PXDN: variants seen among roughly 807,000 people sequenced by gnomAD.
PXDN encodes peroxidasin.
A neutral mutation model predicts 140.3 loss-of-function variants in PXDN; 77 were observed. The ratio of observed to expected loss-of-function variants is 0.55; its 90% CI spans 0.46 to 0.66. The LOEUF is 0.66. Ranked by LOEUF, PXDN falls within the 30% of genes least tolerant of loss-of-function variation. The pLI is 0.00. For missense variants in PXDN, 1,838 were observed against 2,039.5 expected (o/e 0.90, Z 1.90); for synonymous variants, 911 against 857.4 (o/e 1.06, Z -1.09).
intron 14 of PXDN, among the ~76,000 whole-genome samples, chr2:1,656,101 A>G (rs866417370): frequency 4.6e-5 from 7 of 151,658 alleles, no homozygotes; most frequent in Admixed American, 1.3e-4. Flanking sequence ...CACACAACAC[A>G]CACAAACACA....
In PXDN at chr2:1,648,024, A is replaced by T; in HGVS notation, c.3608+148T>A. 8.4e-7 allele frequency: 1 copy of T among 1,190,046 alleles called. No homozygotes were observed. Among genetic ancestry groups the T allele is most frequent in the African/African-American group, 1.5e-5 (1 of 65,354 alleles). The allele number at this position is 1,190,046 out of a possible 1,614,324, so 73.7% of individuals were successfully genotyped here. On this transcript the variant is annotated intron_variant, in intron 17 of 22. Coordinates refer to ENST00000252804, the MANE Select transcript of PXDN (RefSeq NM_012293.3). This position sits in a 1 kb window ranked among gnomAD's most constrained non-coding sequence, Gnocchi z 8.9. ...CAGCCACGGGAGGCTGCAGGTTCCCATCTTGACCTTCATGGACTTGACCTT... is the reference window on the plus strand; with the variant it reads ...CAGCCACGGGAGGCTGCAGGTTCCCTTCTTGACCTTCATGGACTTGACCTT...
chr2:1,731,293 ATG>A (rs1338973918), intron 1 of PXDN, among the ~76,000 whole-genome samples: 14,087 of 63,392 alleles, frequency 0.22, 1,308 homozygotes, highest in African/African-American at 0.36. Context: ...CTTCCTGGAC[ATG>A]CAGCTGACCT....
At chr2:1,658,068 CTCTCT>C (rs1683201894) in intron 14 of PXDN, among the ~76,000 whole-genome samples, 1 of 122,358 alleles carries the variant, frequency 8.2e-6, no homozygotes, top group Non-Finnish European at 1.7e-5. Flanking sequence ...CTCTCTCTCT[CTCTCT>C]CTCTCTCTCT....
In PXDN at chr2:1,653,711, C is replaced by A; in HGVS notation, c.2021G>T (p.Arg674Leu). ...PRDPYTVEQA[R>L]AGEIFERTLQ... ...TGTCCGTTCAAAGATTTCTCCCGCC[C>A]GTGCCTGTTCAACTGTGTAAGGATC... The change falls in exon 16 of 23, where the codon CGG becomes CTG. Residue 674 changes from arginine to leucine, a missense_variant. Arg to Leu is a moderately radical substitution (Grantham distance 102). Around this residue, in one of 5 missense-constraint regions of PXDN, gnomAD observed 537 missense variants for 583.9 expected, o/e 0.92. Coordinates refer to ENST00000252804, the MANE Select transcript of PXDN (RefSeq NM_012293.3). 1.2e-6 allele frequency: 2 copies of A among 1,605,400 alleles called. No individual in the cohort carries two copies. Among genetic ancestry groups the A allele is most frequent in the African/African-American group, 1.3e-5 (1 of 74,912 alleles).
At chr2:1,663,574 T>C in intron 12 of PXDN, 31 bp downstream of exon 12, 1 of 1,608,390 alleles carries the variant, frequency 6.2e-7, no homozygotes, top group Non-Finnish European at 8.5e-7. Context: ...TCTGAGAAAA[T>C]CAATTCAGTC....
At chr2:1,638,700 G>C in intron 21 of PXDN, 146 bp downstream of exon 21, 1 of 1,287,324 alleles carries the variant, frequency 7.8e-7, no homozygotes, top group Non-Finnish European at 1.1e-6. Flanking sequence ...GTGCAGAAAT[G>C]ACACCCCCAA....
At chr2:1,676,696 C>A (rs1683725251) in intron 8 of PXDN, 1 of 572,324 alleles carries the variant, frequency 1.7e-6, no homozygotes, top group Non-Finnish European at 3.1e-6. Flanking sequence ...CAGGGCACCC[C>A]TGTGCTGCCC....
intron 1 of PXDN, among the ~76,000 whole-genome samples, chr2:1,734,040 T>C (rs1031661747): frequency 3.3e-5 from 5 of 152,118 alleles, no homozygotes; most frequent in African/African-American, 1.2e-4. Flanking sequence ...TTAAATGAAA[T>C]AACAGAAGTA....
chr2:1,699,614 G>A (rs1271041811), intron 1 of PXDN, among the ~76,000 whole-genome samples: 1 of 152,138 alleles, frequency 6.6e-6, no homozygotes, highest in Non-Finnish European at 1.5e-5. Flanking sequence ...GGAGGTTGAG[G>A]CAGGAGAATC....
rs115162463 is a variant in PXDN, at chr2:1,699,060, C to T, written c.201-5926G>A. Among the ~76,000 whole-genome samples the T allele has an allele frequency of 7.0e-3, 1,070 of 152,090 alleles. 14 individuals are homozygous for T. Among genetic ancestry groups the T allele is most frequent in the African/African-American group, 0.025 (1,018 of 41,506 alleles). On this transcript the variant is annotated intron_variant, in intron 1 of 22. Coordinates refer to ENST00000252804, the MANE Select transcript of PXDN (RefSeq NM_012293.3). ...ATGTCAAGAATTGTAGTGTTTGGAA[C>T]GAAACATCAAAGTACAGGTTTACAC...
At position 1,648,133 on chromosome 2, in the gene PXDN, T is replaced by C. The variant is rs749302034; in HGVS notation, c.3608+39A>G. The C allele has an allele frequency of 9.5e-6, 15 of 1,586,712 alleles. No individual in the cohort carries two copies. Among genetic ancestry groups the C allele is most frequent in the African/African-American group, 2.7e-5 (2 of 74,254 alleles). On this transcript the variant is annotated intron_variant, in intron 17 of 22. Coordinates refer to ENST00000252804, the MANE Select transcript of PXDN (RefSeq NM_012293.3). This position sits in a 1 kb window ranked among gnomAD's most constrained non-coding sequence, Gnocchi z 8.9. ...CCACAGTTCAGGTGTTCCAGGTGCC[T>C]AGGTACACGAGCCATCCCACACAGC...
intron 1 of PXDN, among the ~76,000 whole-genome samples, chr2:1,708,588 G>A (rs1259781430): frequency 6.6e-6 from 1 of 152,198 alleles, no homozygotes; most frequent in Non-Finnish European, 1.5e-5. Context: ...AGGAAGGGGA[G>A]AGGGGTCCCT....
At chr2:1,710,631 G>GCACCCACTCTATGAA (rs1454914058) in intron 1 of PXDN, among the ~76,000 whole-genome samples, 7 of 97,026 alleles carry the variant, frequency 7.2e-5, no homozygotes, top group African/African-American at 1.9e-4. Context: ...CTCTCCACCA[G>GCACCCACTCTATGAA]CACCCACTCT....
At chr2:1,655,754 C>G (rs1683119154) in intron 14 of PXDN, among the ~76,000 whole-genome samples, 1 of 144,672 alleles carries the variant, frequency 6.9e-6, no homozygotes, top group Non-Finnish European at 1.5e-5. Context: ...GGGACCTACC[C>G]CCTCCTGACA....
chr2:1,705,558 G>A (rs1299898903), intron 1 of PXDN, among the ~76,000 whole-genome samples: 2 of 140,976 alleles, frequency 1.4e-5, no homozygotes, highest in Admixed American at 7.1e-5. Context: ...GGGACGCAGA[G>A]TGCAGGATGC....
chr2:1,638,352 G>A (rs1294646823), intron 21 of PXDN, among the ~76,000 whole-genome samples: 11 of 152,072 alleles, frequency 7.2e-5, no homozygotes, highest in Admixed American at 7.2e-4. Context: ...TCCACAGAGC[G>A]CCAGAGAAGA....
intron 19 of PXDN, 57 bp downstream of exon 19, chr2:1,643,311 A>T: frequency 6.4e-7 from 1 of 1,551,360 alleles, no homozygotes; most frequent in East Asian, 2.3e-5. Flanking sequence ...GCACCCGCCA[A>T]GCAGTCACCA....
chr2:1,657,145 G>T (rs188437677), intron 14 of PXDN, among the ~76,000 whole-genome samples: 7 of 142,670 alleles, frequency 4.9e-5, no homozygotes, highest in African/African-American at 7.9e-5. Context: ...CCTCCTGACT[G>T]GGGGGGGACC....
chr2:1,669,477 A>T (rs2125430863), intron 9 of PXDN, among the ~76,000 whole-genome samples: 1 of 152,334 alleles, frequency 6.6e-6, no homozygotes, highest in African/African-American at 2.4e-5. Flanking sequence ...ATTTAAAAAT[A>T]TATATATTCT....
Sources: gnomAD v4.1 joint callset for allele counts (sites outside exome capture counted in the v4.1 genomes callset) on GRCh38, gnomAD v4.1.1 for gene constraint, gnomAD v4.1.1 regional missense constraint, Gnocchi (gnomAD v3.1) non-coding constraint, MANE v1.5 for transcripts, NCBI Gene and HGNC (gene_info 2026-07-23, HGNC 2026-07-21) for gene names.